LRP1: variants seen among roughly 807,000 people sequenced by gnomAD.
LRP1 encodes prolow-density lipoprotein receptor-related protein 1.
A neutral mutation model predicts 541.5 loss-of-function variants in LRP1; 51 were observed. The ratio of observed to expected loss-of-function variants is 0.09; its 90% CI spans 0.08 to 0.12. LRP1 has a LOEUF of 0.12. Among genes scored for constraint, LRP1 ranks in the 10% least tolerant of loss-of-function variants. The pLI is 1.00. For synonymous variants in LRP1, 2,219 were observed against 2,470.8 expected (o/e 0.90, Z 3.02); for missense variants, 3,878 against 6,376.2 (o/e 0.61, Z 13.34).
intron 24 of LRP1, among the ~76,000 whole-genome samples, 175 bp from the exon 25 acceptor site, chr12:57,176,863 CAAA>C (rs375688316): frequency 7.8e-6 from 1 of 128,674 alleles, no homozygotes. Context: ...GACCCTGTCT[CAAA>C]AAAAAAAAAA....
At chr12:57,199,721 C>G (rs945177952) in intron 61 of LRP1, among the ~76,000 whole-genome samples, 156 bp from the exon 62 acceptor site, 1 of 152,206 alleles carries the variant, frequency 6.6e-6, no homozygotes, top group Non-Finnish European at 1.5e-5. Flanking sequence ...CTGGCCTGAT[C>G]CTGGGACCTT....
chr12:57,178,870 C>G lies in LRP1; in HGVS notation c.4607-20C>G, dbSNP rs2036103210. Reference sequence around the variant, plus strand: ...GTCACAGGATGCTCTGGCTTCTTCTCTTCTCCACCCTGCCCCCAGCTCCCA... The same window carrying G: ...GTCACAGGATGCTCTGGCTTCTTCTGTTCTCCACCCTGCCCCCAGCTCCCA... On this transcript the variant is annotated intron_variant, in intron 27 of 88. Transcript: ENST00000243077. The surrounding 1 kb of genome is among the most constrained non-coding windows in gnomAD (Gnocchi z 5.8). 2 of 1,602,396 alleles carry G rather than the reference C, an allele frequency of 1.2e-6. No homozygotes were observed. The highest frequency in any genetic ancestry group is 1.1e-5 in the South Asian group (1 of 89,540).
chr12:57,174,059 G>C, intron 22 of LRP1, 79 bp downstream of exon 22: 7 of 1,407,924 alleles, frequency 5.0e-6, no homozygotes, highest in Middle Eastern at 4.7e-4. Context: ...TGGGGGACCT[G>C]AGTCTAGGAG....
Position 57,180,535 on chromosome 12 carries a change from TG to T in LRP1, c.5386+59del, listed in dbSNP as rs2036143164. The T allele has an allele frequency of 1.9e-6, 3 of 1,608,926 alleles. No individual in the cohort carries two copies. The African/African-American group carries it at 4.0e-5, about 22-fold the overall frequency. On this transcript the variant is annotated intron_variant, in intron 32 of 88. Transcript: ENST00000243077. ...GCAGAGCAGGCCAGGCCAGACCTAC[TG>T]GGAGACAGGGGCTGGCTTGGGGCAG...
At chr12:57,152,095 G>A (rs1247075852) in intron 6 of LRP1, among the ~76,000 whole-genome samples, 3 of 152,136 alleles carry the variant, frequency 2.0e-5, no homozygotes, top group South Asian at 4.1e-4. Context: ...CTTCCTTCCC[G>A]GAATTGGGAG....
intron 1 of LRP1, among the ~76,000 whole-genome samples, chr12:57,136,257 G>A (rs1001561028): frequency 6.6e-6 from 1 of 152,208 alleles, no homozygotes; most frequent in Non-Finnish European, 1.5e-5. Context: ...GGGGGAGCCT[G>A]GCTAGGCCAT....
chr12:57,191,940 ACCACAT>A (rs2036410536), intron 44 of LRP1, among the ~76,000 whole-genome samples: 13 of 8,158 alleles, frequency 1.6e-3, no homozygotes, highest in East Asian at 4.0e-3. Context: ...CCACACACAC[ACCACAT>A]ACACACACCA....
rs1283533591 is a variant in LRP1, at chr12:57,202,735, T to C, written c.10711+198T>C. ...CACCTCATCTCATGTTTCTCTCCAT[T>C]TTCACACTGTCCTCTCGGGGTTGCA... is the stretch of plus-strand genomic sequence containing the variant. On this transcript the variant is annotated intron_variant, in intron 68 of 88. Transcript: ENST00000243077. 4 of 606,866 alleles carry C rather than the reference T, an allele frequency of 6.6e-6. No individual in the cohort carries two copies. In the East Asian group the frequency reaches 1.1e-4, roughly 17 times the overall value. The allele number at this position is 606,866 out of a possible 1,614,324, so 37.6% of individuals were successfully genotyped here. A position where few individuals can be genotyped will look rare whatever the true frequency, so the allele number is the denominator to read the frequency against.
intron 6 of LRP1, chr12:57,149,916 G>T (rs2035494252): frequency 4.9e-6 from 3 of 617,292 alleles, no homozygotes; most frequent in Non-Finnish European, 8.7e-6. Flanking sequence ...AGGATTACTA[G>T]ACAGACTGTC....
chr12:57,148,929 C>A, intron 6 of LRP1: 1 of 569,084 alleles, frequency 1.8e-6, no homozygotes, highest in Non-Finnish European at 3.1e-6. Context: ...TCCAGCTGGC[C>A]AACTTCACTT....
chr12:57,190,791 C>A lies in LRP1; in HGVS notation c.7032-14C>A. On this transcript the variant is annotated splice_polypyrimidine_tract_variant and intron_variant, in intron 42 of 88. Transcript: ENST00000243077. ...CAGGCTTTGCCTCCTGATCTCTGGA[C>A]CCTCTTCCCCCAGCCTCATGTTCTG... 1 of 1,612,222 alleles carries A rather than the reference C, an allele frequency of 6.2e-7. No homozygotes were observed. Among genetic ancestry groups the A allele is most frequent in the Non-Finnish European group, 8.5e-7 (1 of 1,178,946 alleles).
Position 57,187,255 on chromosome 12 carries a change from G to A in LRP1, c.6842-12G>A. The A allele has an allele frequency of 1.2e-6, 2 of 1,607,296 alleles. No homozygotes were observed. The highest frequency in any genetic ancestry group is 1.7e-6 in the Non-Finnish European group (2 of 1,175,920). ...GCCCTCCTGACAAATCGCTGCTCCT[G>A]TCTCTTCACAGACGTGGGCTCCGTG... On this transcript the variant is annotated splice_polypyrimidine_tract_variant and intron_variant, in intron 41 of 88. Coordinates refer to ENST00000243077, the MANE Select transcript of LRP1 (RefSeq NM_002332.3).
Position 57,204,107 on chromosome 12 carries a change from A to C in LRP1, c.10952-303A>C. On this transcript the variant is annotated intron_variant, in intron 70 of 88. Coordinates refer to ENST00000243077, the MANE Select transcript of LRP1 (RefSeq NM_002332.3). The surrounding 1 kb of genome is among the most constrained non-coding windows in gnomAD (Gnocchi z 5.3). ...GTTCCCGCGTCCCCGCTGTGGAACT[A>C]CACAGCCCAGTGCTGTTCCCACGTC... is the stretch of plus-strand genomic sequence containing the variant. 3.5e-6 allele frequency: 1 copy of C among 285,392 alleles called. No homozygotes were observed. The highest frequency in any genetic ancestry group is 6.5e-6 in the Non-Finnish European group (1 of 153,074). The allele number at this position is 285,392 out of a possible 1,614,324, so 17.7% of individuals were successfully genotyped here.
intron 10 of LRP1, 136 bp downstream of exon 10, chr12:57,157,056 G>A (rs554137376): frequency 1.8e-6 from 2 of 1,097,774 alleles, no homozygotes; most frequent in Admixed American, 3.1e-5. Flanking sequence ...CTGCTAGTGA[G>A]GGCAGAGATG....
At position 57,203,167 on chromosome 12, in the gene LRP1, C is replaced by T. The variant is rs1437154582; in HGVS notation, c.10712-14C>T. 17 of 1,553,610 alleles carry T rather than the reference C, an allele frequency of 1.1e-5. No individual in the cohort carries two copies. Among genetic ancestry groups the T allele is most frequent in the Non-Finnish European group, 1.4e-5 (16 of 1,145,616 alleles). On this transcript the variant is annotated splice_polypyrimidine_tract_variant and intron_variant, in intron 68 of 88. Coordinates refer to ENST00000243077, the MANE Select transcript of LRP1 (RefSeq NM_002332.3). The stretch of plus-strand genomic sequence containing the variant: ...GCCCACCCTCCTGGGCCTGTCTCCC[C>T]CTGTCCTTCCCAGCCCCTCGGCCCT...
At position 57,154,087 on chromosome 12, in the gene LRP1, G is replaced by T. The variant is rs760856803; in HGVS notation, c.842-121G>T. 9 of 872,418 alleles carry T rather than the reference G, an allele frequency of 1.0e-5. No homozygotes were observed. Among genetic ancestry groups the T allele is most frequent in the Non-Finnish European group, 1.7e-5 (9 of 537,494 alleles). 54.0% of individuals were successfully genotyped at this position (872,418 alleles called of 1,614,324 possible). ...TCCACTCTGAGCTAAGCATGGGGGTGTTGGGTGGGAGGGCGTCCAGAGAAG... is the reference window on the plus strand; with the variant it reads ...TCCACTCTGAGCTAAGCATGGGGGTTTTGGGTGGGAGGGCGTCCAGAGAAG... On this transcript the variant is annotated intron_variant, in intron 6 of 88. Coordinates refer to ENST00000243077, the MANE Select transcript of LRP1 (RefSeq NM_002332.3). This position sits in a 1 kb window ranked among gnomAD's most constrained non-coding sequence, Gnocchi z 4.6.
chr12:57,211,713 G>A lies in LRP1; in HGVS notation c.13194-37G>A, dbSNP rs761358864. 7.4e-6 allele frequency: 12 copies of A among 1,611,040 alleles called. No individual in the cohort carries two copies. Among genetic ancestry groups the A allele is most frequent in the African/African-American group, 5.3e-5 (4 of 74,784 alleles). On this transcript the variant is annotated intron_variant, in intron 85 of 88. Transcript: ENST00000243077. This position sits in a 1 kb window ranked among gnomAD's most constrained non-coding sequence, Gnocchi z 4.3. ...TTTTCCTGGCAGCAGTGGCTATGGA[G>A]GTTATACCTACTCAGCCGTGTCCCT...
intron 10 of LRP1, 92 bp downstream of exon 10, chr12:57,157,012 T>C (rs765923814): frequency 2.1e-6 from 3 of 1,401,176 alleles, no homozygotes; most frequent in Non-Finnish European, 2.8e-6. Context: ...CTGTCTGACA[T>C]GCAGGGAGAT....
chr12:57,197,123 G>A lies in LRP1; in HGVS notation c.9034G>A (p.Ala3012Thr). Residue 3012 changes from alanine to threonine, a missense_variant, in exon 56 of 89, where the codon GCA becomes ACA. Physicochemically the swap from Ala to Thr is moderately conservative, Grantham distance 58. Around this residue, in one of 13 missense-constraint regions of LRP1, gnomAD observed 1,100 missense variants for 1,827.4 expected, o/e 0.60. Coordinates refer to ENST00000243077, the MANE Select transcript of LRP1 (RefSeq NM_002332.3). This position sits in a 1 kb window ranked among gnomAD's most constrained non-coding sequence, Gnocchi z 4.5. ...SYKCLCVEGY[A>T]PRGGDPHSCK... ...TAAGTGTCTGTGTGTGGAGGGCTAT[G>A]CACCCCGCGGCGGCGACCCCCACAG... The A allele has an allele frequency of 1.5e-5, 24 of 1,614,022 alleles. No individual in the cohort carries two copies. Among genetic ancestry groups the A allele is most frequent in the Non-Finnish European group, 1.9e-5 (23 of 1,180,006 alleles).
Sources: gnomAD v4.1 joint callset for allele counts (sites outside exome capture counted in the v4.1 genomes callset) on GRCh38, gnomAD v4.1.1 for gene constraint, gnomAD v4.1.1 regional missense constraint, Gnocchi (gnomAD v3.1) non-coding constraint, MANE v1.5 for transcripts, NCBI Gene and HGNC (gene_info 2026-07-23, HGNC 2026-07-21) for gene names.